Variants in KRT77 observed in about 807,000 individuals in gnomAD.
The protein encoded by KRT77 is keratin 77.
Under a neutral mutation model 51.5 loss-of-function variants are expected in KRT77, and 44 were observed. That is an observed-to-expected ratio of 0.85 (90% CI 0.67 to 1.10). The LOEUF (loss-of-function observed/expected upper bound fraction) is 1.10, where lower values mean the gene tolerates loss of function less well. KRT77 is among the 50% of genes least tolerant of loss of function. The pLI is 0.00. For missense variants in KRT77, 763 were observed against 743.9 expected (o/e 1.03, Z -0.30); for synonymous variants, 293 against 302.0 (o/e 0.97, Z 0.31).
At position 52,696,378 on chromosome 12, in the gene KRT77, G is replaced by A; in HGVS notation, c.811C>T (p.Leu271=). 6.2e-7 allele frequency: 1 copy of A among 1,614,168 alleles called. No individual in the cohort carries two copies. The highest frequency in any genetic ancestry group is 8.5e-7 in the Non-Finnish European group (1 of 1,180,018). ...RTGSENDFVV[L]KKDVDAAYVS... The stretch of plus-strand genomic sequence containing the variant: ...ACTCCCCTTTCCCTCACCTTCTTCA[G>A]GACGACAAAGTCATTCTCGCTGCCA... Residue 271 remains leucine (L), a synonymous_variant, in exon 3 of 9, where the codon CTG becomes TTG. Transcript: ENST00000341809.
At chr12:52,692,200 C>T (rs1397457272) in intron 7 of KRT77, among the ~76,000 whole-genome samples, 1 of 152,210 alleles carries the variant, frequency 6.6e-6, no homozygotes, top group Non-Finnish European at 1.5e-5. Context: ...GGTATAAGGA[C>T]ATTCTACTTG....
intron 1 of KRT77, chr12:52,698,296 G>A (rs1481832731): frequency 3.9e-6 from 2 of 506,624 alleles, no homozygotes; most frequent in Admixed American, 2.4e-5. Flanking sequence ...ATAGAGGAGA[G>A]GAAGAAAGAA....
chr12:52,694,757 T>C lies in KRT77; in HGVS notation c.949A>G (p.Thr317Ala), dbSNP rs765083307. ...TTGTCCATGGACAGGATGACGTTGG[T>C]GTCGCTGATGTGAGTCTGCACCTGA... ...LSQVQTHISD[T>A]NVILSMDNNR... is the part of the protein sequence containing the mutation. The change falls in exon 5 of 9, where the codon ACC becomes GCC. Residue 317 changes from threonine to alanine, a missense_variant. Physicochemically the swap from Thr to Ala is moderately conservative, Grantham distance 58. Transcript: ENST00000341809. 4 of 1,611,270 alleles carry C rather than the reference T, an allele frequency of 2.5e-6. No homozygotes were observed. Among genetic ancestry groups the C allele is most frequent in the Admixed American group, 1.7e-5 (1 of 59,932 alleles).
At chr12:52,702,668 G>A (rs1941901124) in intron 1 of KRT77, among the ~76,000 whole-genome samples, 1 of 151,970 alleles carries the variant, frequency 6.6e-6, no homozygotes, top group African/African-American at 2.4e-5. Context: ...ACTACACCAT[G>A]TATCTGTTGA....
chr12:52,695,481 C>A, intron 4 of KRT77: 1 of 317,846 alleles, frequency 3.1e-6, no homozygotes, highest in Non-Finnish European at 5.9e-6. Flanking sequence ...GGTTTTGCCC[C>A]TTATATGTCT....
intron 1 of KRT77, among the ~76,000 whole-genome samples, chr12:52,699,823 G>C (rs1467485069): frequency 1.3e-5 from 2 of 152,208 alleles, no homozygotes; most frequent in East Asian, 3.8e-4. Flanking sequence ...GGGCTGCACT[G>C]GACCCCATGA....
Position 52,703,304 on chromosome 12 carries a change from C to T in KRT77, c.131G>A (p.Cys44Tyr). Residue 44 changes from cysteine (C) to tyrosine (Y), a missense_variant, in exon 1 of 9, where the codon TGT becomes TAT. Cys to Tyr is a radical substitution (Grantham distance 194, BLOSUM62 -2). Transcript: ENST00000341809. The part of the protein sequence containing the change: ...VGSVCYARGR[C>Y]GGGGYGIHGR... ...ATGGATCCCATATCCACCACCACCA[C>T]ACCTCCCTCGAGCATAACACACAGA... is the stretch of plus-strand genomic sequence containing the variant. 1.2e-6 allele frequency: 2 copies of T among 1,614,152 alleles called. No individual in the cohort carries two copies. Among genetic ancestry groups the T allele is most frequent in the South Asian group, 1.1e-5 (1 of 91,066 alleles).
intron 3 of KRT77, 80 bp downstream of exon 3, chr12:52,696,290 A>G: frequency 7.2e-7 from 1 of 1,396,142 alleles, no homozygotes. Context: ...TGCCGTTGTC[A>G]CAGAGCATCC....
At chr12:52,702,394 C>G (rs1371700690) in intron 1 of KRT77, among the ~76,000 whole-genome samples, 1 of 151,722 alleles carries the variant, frequency 6.6e-6, no homozygotes, top group Non-Finnish European at 1.5e-5. Flanking sequence ...AGTGAATGAA[C>G]AGATGAACAC....
chr12:52,698,259 C>A (rs1337070820), intron 1 of KRT77: 1 of 683,116 alleles, frequency 1.5e-6, no homozygotes, highest in Non-Finnish European at 2.3e-6. Flanking sequence ...AGGTTCCTTT[C>A]TCTTTGTGGT....
intron 5 of KRT77, among the ~76,000 whole-genome samples, chr12:52,694,085 A>G (rs998997536): frequency 6.6e-6 from 1 of 152,006 alleles, no homozygotes; most frequent in Non-Finnish European, 1.5e-5. Flanking sequence ...TACCATTATG[A>G]AAAAAGAATA....
rs973771326 is a variant in KRT77 at position 52,690,070 on chromosome 12, G to T, written c.*1095C>A. 1 of 152,234 alleles carries T rather than the reference G, an allele frequency of 6.6e-6. No individual in the cohort carries two copies. Among genetic ancestry groups the T allele is most frequent in the Non-Finnish European group, 1.5e-5 (1 of 68,060 alleles). 9.4% of individuals were successfully genotyped at this position (152,234 alleles called of 1,614,324 possible). On this transcript the variant is annotated 3_prime_UTR_variant, in exon 9 of 9. Coordinates refer to ENST00000341809, the MANE Select transcript of KRT77 (RefSeq NM_175078.3). Reference sequence around the variant, plus strand: ...TGGAACCCTTCCAAGACCCAAGTCAGATCCTCAGACTCCTCAGGCCCGAGG... The same window carrying T: ...TGGAACCCTTCCAAGACCCAAGTCATATCCTCAGACTCCTCAGGCCCGAGG...
intron 6 of KRT77, 33 bp from the exon 7 acceptor site, chr12:52,692,674 G>T: frequency 1.3e-6 from 2 of 1,590,138 alleles, no homozygotes; most frequent in Non-Finnish European, 1.7e-6. Context: ...CCATTTAATG[G>T]TTAAGTTTCC....
intron 3 of KRT77, among the ~76,000 whole-genome samples, 158 bp from the exon 4 acceptor site, chr12:52,696,025 T>A (rs1165470254): frequency 6.6e-6 from 1 of 152,160 alleles, no homozygotes; most frequent in Non-Finnish European, 1.5e-5. Flanking sequence ...AAGTCCTGGC[T>A]TTCCTGGCCA....
chr12:52,692,796 C>A lies in KRT77; in HGVS notation c.1165G>T (p.Val389Phe). 2 of 1,604,432 alleles carry A rather than the reference C, an allele frequency of 1.2e-6. No individual in the cohort carries two copies. Among genetic ancestry groups the A allele is most frequent in the Non-Finnish European group, 1.7e-6 (2 of 1,171,788 alleles). Residue 389 changes from valine to phenylalanine, a missense_variant, in exon 6 of 9, where the codon GTC (valine) becomes TTC (phenylalanine). Physicochemically the swap from Val to Phe is conservative, Grantham distance 50. Coordinates refer to ENST00000341809, the MANE Select transcript of KRT77 (RefSeq NM_175078.3). Reference protein sequence around the residue: ...KMEIAELNRTVQRLQAEISNV... With the variant: ...KMEIAELNRTFQRLQAEISNV... ...CTGATCTCTGCCTGCAGCCTCTGGACGGTGCGGTTGAGCTCTGCAATCTCC... is the reference window on the plus strand; with the variant it reads ...CTGATCTCTGCCTGCAGCCTCTGGAAGGTGCGGTTGAGCTCTGCAATCTCC...
chr12:52,701,038 G>A (rs186685914), intron 1 of KRT77, among the ~76,000 whole-genome samples: 1 of 152,318 alleles, frequency 6.6e-6, no homozygotes, highest in Admixed American at 6.5e-5. Flanking sequence ...TCGAAGGACA[G>A]GAGGCCCAGG....
intron 4 of KRT77, chr12:52,695,230 C>G: frequency 6.2e-6 from 1 of 161,710 alleles, no homozygotes; most frequent in Non-Finnish European, 1.4e-5. Context: ...TTTAACCCCT[C>G]AGTGCCTCAG....
Position 52,696,390 on chromosome 12 carries a change from C to A in KRT77, c.799G>T (p.Asp267Tyr). The A allele has an allele frequency of 6.2e-7, 1 of 1,614,208 alleles. No homozygotes were observed. The highest frequency in any genetic ancestry group is 1.1e-5 in the South Asian group (1 of 91,078). ...CTCACCTTCTTCAGGACGACAAAGT[C>A]ATTCTCGCTGCCAGTCCTCTTGTTG... is the stretch of plus-strand genomic sequence containing the variant. Reference protein sequence around the residue: ...EINKRTGSENDFVVLKKDVDA... With the variant: ...EINKRTGSENYFVVLKKDVDA... Residue 267 changes from aspartate (D) to tyrosine (Y), a missense_variant, in exon 3 of 9, where the codon GAC becomes TAC. By Grantham distance (160) the Asp-to-Tyr change is radical. Coordinates refer to ENST00000341809, the MANE Select transcript of KRT77 (RefSeq NM_175078.3).
intron 1 of KRT77, among the ~76,000 whole-genome samples, chr12:52,701,274 C>T (rs908137923): frequency 3.3e-5 from 5 of 152,238 alleles, no homozygotes; most frequent in Non-Finnish European, 7.3e-5. Flanking sequence ...TTGCCTGAAG[C>T]GTGGTGATAC....
Sources: gnomAD v4.1 joint callset for allele counts (sites outside exome capture counted in the v4.1 genomes callset) on GRCh38, gnomAD v4.1.1 for gene constraint, MANE v1.5 for transcripts, NCBI Gene and HGNC (gene_info 2026-07-23, HGNC 2026-07-21) for gene names.